Variants in CSMD1 observed in about 807,000 individuals in gnomAD.
CSMD1 encodes CUB and sushi domain-containing protein 1.
A neutral mutation model predicts 417.5 loss-of-function variants in CSMD1; 213 were observed. The ratio of observed to expected loss-of-function variants is 0.51; its 90% CI spans 0.46 to 0.57. CSMD1 has a LOEUF of 0.57. Ranked by LOEUF, CSMD1 falls within the 20% of genes least tolerant of loss-of-function variation. The pLI is 0.00. For missense variants in CSMD1, 6,923 were observed against 4,529.7 expected, an observed-to-expected ratio of 1.53 and a Z score of -15.17; for synonymous variants, 2,862 against 1,736.8, an observed-to-expected ratio of 1.65 and a Z score of -16.11.
At chr8:3,675,331 A>T (rs1046230066) in intron 7 of CSMD1, among the ~76,000 whole-genome samples, 3 of 152,140 alleles carry the variant, frequency 2.0e-5, no homozygotes, top group Non-Finnish European at 4.4e-5. Context: ...ACTGTCTAAC[A>T]TGTCATTGCT....
At chr8:3,108,893 T>C (rs1427335899) in intron 43 of CSMD1, 145 bp from the exon 44 acceptor site, 7 of 816,228 alleles carry the variant, frequency 8.6e-6, no homozygotes, top group Non-Finnish European at 1.1e-5. Flanking sequence ...AACATCAAGA[T>C]GTTGAATGTC....
At chr8:3,818,842 G>A (rs966765656) in intron 5 of CSMD1, among the ~76,000 whole-genome samples, 6 of 152,104 alleles carry the variant, frequency 3.9e-5, no homozygotes, top group Non-Finnish European at 8.8e-5. Flanking sequence ...TGAATGACAA[G>A]ATCCCTTGCA....
chr8:3,737,872 G>T (rs924844403), intron 6 of CSMD1, among the ~76,000 whole-genome samples: 2 of 152,194 alleles, frequency 1.3e-5, no homozygotes, highest in African/African-American at 2.4e-5. Context: ...GCCTTATTTA[G>T]TCTTTGCCCA....
intron 3 of CSMD1, among the ~76,000 whole-genome samples, chr8:4,053,023 G>T (rs2554539): frequency 0.86 from 130,872 of 152,078 alleles, 56,452 homozygotes; most frequent in South Asian, 0.93. Flanking sequence ...TTAGCAAAGG[G>T]TAACAATTGG....
chr8:4,289,840 C>G (rs1178326942), intron 3 of CSMD1, among the ~76,000 whole-genome samples: 2 of 152,128 alleles, frequency 1.3e-5, no homozygotes, highest in Non-Finnish European at 1.5e-5. Flanking sequence ...ATGTCTGGCT[C>G]AGAGTAGATA....
chr8:4,539,474 AT>A (rs1177426372), intron 2 of CSMD1, among the ~76,000 whole-genome samples: 1 of 152,204 alleles, frequency 6.6e-6, no homozygotes, highest in Admixed American at 6.5e-5. Context: ...TGTGAAAAAA[AT>A]ATAAGCAAAT....
intron 26 of CSMD1, among the ~76,000 whole-genome samples, chr8:3,254,880 C>T (rs746581351): frequency 5.3e-5 from 8 of 152,178 alleles, no homozygotes; most frequent in Non-Finnish European, 1.2e-4. Context: ...TTGTCAAAGT[C>T]ATTCTCCATC....
chr8:3,089,085 A>AC, intron 48 of CSMD1, among the ~76,000 whole-genome samples: 1 of 152,202 alleles, frequency 6.6e-6, no homozygotes, highest in Non-Finnish European at 1.5e-5. Flanking sequence ...TACAGGGGAA[A>AC]CCATAGCACA....
At chr8:3,710,373 C>G (rs945082075) in intron 6 of CSMD1, among the ~76,000 whole-genome samples, 2 of 152,160 alleles carry the variant, frequency 1.3e-5, no homozygotes, top group Non-Finnish European at 2.9e-5. Flanking sequence ...TGACGAAATA[C>G]AATGCCAGGA....
At chr8:3,762,438 A>G (rs887474267) in intron 5 of CSMD1, among the ~76,000 whole-genome samples, 1 of 152,202 alleles carries the variant, frequency 6.6e-6, no homozygotes, top group Non-Finnish European at 1.5e-5. Flanking sequence ...TACCCTTTGC[A>G]GACATTTTCA....
At chr8:3,694,494 GCATGTGC>G (rs1184110999) in intron 7 of CSMD1, among the ~76,000 whole-genome samples, 1 of 152,120 alleles carries the variant, frequency 6.6e-6, no homozygotes, top group Non-Finnish European at 1.5e-5. Context: ...ATCTGGGAAA[GCATGTGC>G]ATAGAGACAG....
Position 3,190,111 on chromosome 8 carries a change from A to C in CSMD1, c.5199T>G (p.Val1733=). The change falls in exon 34 of 70, where the codon GTT becomes GTG. Residue 1733 remains valine (V), a synonymous_variant. Coordinates refer to ENST00000635120, the MANE Select transcript of CSMD1 (RefSeq NM_033225.6). ...TGCATTGGGTGTCACTGGTACGAGG[A>C]ACAGCTAGAAGCAAAGTACAGAACA... ...ARGFHFVYQA[V]PRTSDTQCSS... is the part of the protein sequence containing the mutation. 1 of 1,583,884 alleles carries C rather than the reference A, an allele frequency of 6.3e-7. No homozygotes were observed. Among genetic ancestry groups the C allele is most frequent in the South Asian group, 1.2e-5 (1 of 86,254 alleles).
At chr8:4,883,232 C>CCT (rs1563668685) in intron 1 of CSMD1, among the ~76,000 whole-genome samples, 7 of 151,818 alleles carry the variant, frequency 4.6e-5, no homozygotes, top group Admixed American at 1.3e-4. Context: ...TGGTTGATTT[C>CCT]TAACAAGGAT....
intron 1 of CSMD1, among the ~76,000 whole-genome samples, chr8:4,934,772 G>A (rs1807495985): frequency 6.6e-6 from 1 of 151,552 alleles, no homozygotes; most frequent in Non-Finnish European, 1.5e-5. Flanking sequence ...TATACTATAG[G>A]TATCATCTAT....
At chr8:4,211,471 G>C (rs999249287) in intron 3 of CSMD1, among the ~76,000 whole-genome samples, 2 of 152,102 alleles carry the variant, frequency 1.3e-5, no homozygotes, top group East Asian at 1.9e-4. Flanking sequence ...GAAGATTTTA[G>C]CTCATTTTGA....
chr8:4,460,320 A>T (rs13257745), intron 2 of CSMD1, among the ~76,000 whole-genome samples: 47,554 of 151,686 alleles, frequency 0.31, 7,674 homozygotes, highest in Middle Eastern at 0.37. Flanking sequence ...AAAATGTATG[A>T]AATGCAACTG....
intron 4 of CSMD1, among the ~76,000 whole-genome samples, chr8:4,023,771 T>A (rs913290710): frequency 8.5e-6 from 1 of 117,724 alleles, no homozygotes; most frequent in Non-Finnish European, 1.8e-5. Context: ...TTTTTTTTTT[T>A]TTTTTTTTTT....
intron 5 of CSMD1, among the ~76,000 whole-genome samples, chr8:3,934,193 T>A (rs1424313926): frequency 1.3e-5 from 2 of 152,204 alleles, no homozygotes; most frequent in Non-Finnish European, 2.9e-5. Context: ...TAAACCATGA[T>A]CTTAATTTCA....
chr8:3,891,390 C>G (rs546686903), intron 5 of CSMD1, among the ~76,000 whole-genome samples: 16 of 152,164 alleles, frequency 1.1e-4, no homozygotes, highest in Admixed American at 5.2e-4. Flanking sequence ...ATTCCAAAAT[C>G]CATCCGAGGC....
Sources: gnomAD v4.1 joint callset for allele counts (sites outside exome capture counted in the v4.1 genomes callset) on GRCh38, gnomAD v4.1.1 for gene constraint, MANE v1.5 for transcripts, NCBI Gene and HGNC (gene_info 2026-07-23, HGNC 2026-07-21) for gene names.